Variants in IL12RB2 observed in about 807,000 individuals in gnomAD.
IL12RB2 encodes interleukin-12 receptor subunit beta-2.
In IL12RB2, 82 loss-of-function variants were observed where a neutral mutation model predicts 89.4. That is an observed-to-expected ratio of 0.92 (90% CI 0.77 to 1.10). The LOEUF (loss-of-function observed/expected upper bound fraction) is 1.10, where lower values mean the gene tolerates loss of function less well. IL12RB2 is among the 50% of genes least tolerant of loss of function. The pLI is 0.00. For synonymous variants in IL12RB2, 368 were observed against 370.1 expected (o/e 0.99, Z 0.07); for missense variants, 963 against 1,031.9 (o/e 0.93, Z 0.92).
At chr1:67,362,572 C>CAAAAAAAAA (rs956277979) in intron 10 of IL12RB2, among the ~76,000 whole-genome samples, 2 of 43,328 alleles carry the variant, frequency 4.6e-5, no homozygotes, top group Non-Finnish European at 8.6e-5. Flanking sequence ...GACTCCGTCT[C>CAAAAAAAAA]AAAAAAAAAA....
rs533030866 is a variant in IL12RB2, at chr1:67,335,485, C to T, written c.959-3139C>T. On this transcript the variant is annotated intron_variant, in intron 8 of 16. Coordinates refer to ENST00000674203, the MANE Select transcript of IL12RB2 (RefSeq NM_001374259.2). ...GGTGAAGTCTGAGGCAAGGTCATCT[C>T]TTTTTCATATTGGTGGCTTCTTCCA... Among the ~76,000 whole-genome samples, 3 of 152,308 alleles carry T rather than the reference C, an allele frequency of 2.0e-5. No individual in the cohort carries two copies. The South Asian group carries it at 6.2e-4, about 32-fold the overall frequency.
chr1:67,333,451 C>T (rs1658361054), intron 8 of IL12RB2, among the ~76,000 whole-genome samples: 1 of 149,154 alleles, frequency 6.7e-6, no homozygotes, highest in South Asian at 2.1e-4. Flanking sequence ...CAGAGTCAGC[C>T]TTTTTGCAGC....
chr1:67,307,919 A>C lies in IL12RB2; in HGVS notation c.-173A>C, dbSNP rs1400774478. 6.6e-6 allele frequency: 1 copy of C among 151,848 alleles called. No individual in the cohort carries two copies. The highest frequency in any genetic ancestry group is 1.5e-5 in the Non-Finnish European group (1 of 67,956). The allele number at this position is 151,848 out of a possible 1,614,324, so 9.4% of individuals were successfully genotyped here. A position where few individuals can be genotyped will look rare whatever the true frequency, so the allele number is the denominator to read the frequency against. Reference sequence around the variant, plus strand: ...ACGTGCGGCCCAGAGCACCGGGGCCACCCGGTCCCCGCAGGCCCGGGACCG... The same window carrying C: ...ACGTGCGGCCCAGAGCACCGGGGCCCCCCGGTCCCCGCAGGCCCGGGACCG... On this transcript the variant is annotated 5_prime_UTR_variant, in exon 1 of 17. Coordinates refer to ENST00000674203, the MANE Select transcript of IL12RB2 (RefSeq NM_001374259.2).
chr1:67,341,083 T>C (rs938036746), intron 9 of IL12RB2, among the ~76,000 whole-genome samples: 3 of 152,202 alleles, frequency 2.0e-5, no homozygotes, highest in African/African-American at 4.8e-5. Flanking sequence ...AGAAGGATGC[T>C]TGGGGTTGGA....
At position 67,379,708 on chromosome 1, in the gene IL12RB2, C is replaced by T. The variant is rs576668832; in HGVS notation, c.1718-278C>T. On this transcript the variant is annotated intron_variant, in intron 13 of 16. Transcript: ENST00000674203. ...ATTCAAAAGATTTTACCACAAAACA[C>T]AAAAAAGAGAAAAGAAAATTAGAAA... Among the ~76,000 whole-genome samples the T allele has an allele frequency of 2.1e-4, 32 of 151,144 alleles. No individual in the cohort carries two copies. The South Asian group carries it at 3.6e-3, about 17-fold the overall frequency.
intron 11 of IL12RB2, 61 bp from the exon 12 acceptor site, chr1:67,372,375 C>A: frequency 2.3e-6 from 2 of 880,318 alleles, no homozygotes; most frequent in Non-Finnish European, 3.9e-6. Flanking sequence ...AATAAAATGG[C>A]TCCCTTTAGT....
chr1:67,337,912 AAAAAAG>A (rs1299660722), intron 8 of IL12RB2, among the ~76,000 whole-genome samples: 23 of 128,778 alleles, frequency 1.8e-4, no homozygotes, highest in African/African-American at 3.8e-4. Flanking sequence ...AAAAAAAAAA[AAAAAAG>A]AAAAGAAAAG....
At chr1:67,390,489 T>TACTAGCC (rs1665696604) in intron 16 of IL12RB2, among the ~76,000 whole-genome samples, 1 of 141,164 alleles carries the variant, frequency 7.1e-6, no homozygotes, top group South Asian at 2.2e-4. Context: ...ATTTGTTGAG[T>TACTAGCC]ACTAGCCTGA....
At chr1:67,361,670 C>T (rs1228090080) in intron 10 of IL12RB2, among the ~76,000 whole-genome samples, 1 of 151,648 alleles carries the variant, frequency 6.6e-6, no homozygotes, top group Admixed American at 6.6e-5. Context: ...GGAACAACTA[C>T]AAAAGATGTA....
chr1:67,328,801 A>T (rs1657671755), intron 6 of IL12RB2, among the ~76,000 whole-genome samples: 1 of 152,214 alleles, frequency 6.6e-6, no homozygotes, highest in Admixed American at 6.5e-5. Context: ...AGGCTAGAGC[A>T]GCGAGGTACA....
chr1:67,350,179 TTC>T (rs1660677418), intron 9 of IL12RB2, among the ~76,000 whole-genome samples: 1 of 152,266 alleles, frequency 6.6e-6, no homozygotes, highest in South Asian at 2.1e-4. Flanking sequence ...TATTCTATGC[TTC>T]TGTTTCCCAT....
chr1:67,390,300 G>A (rs1031989851), intron 16 of IL12RB2, among the ~76,000 whole-genome samples, 172 bp downstream of exon 16: 1 of 152,050 alleles, frequency 6.6e-6, no homozygotes, highest in African/African-American at 2.4e-5. Flanking sequence ...CTGAACTTAA[G>A]AGAAACCAGG....
Position 67,358,367 on chromosome 1 carries a change from G to A in IL12RB2, c.1258+7278G>A, listed in dbSNP as rs1442338125. Among the ~76,000 whole-genome samples the A allele has an allele frequency of 2.0e-5, 3 of 152,244 alleles. No individual in the cohort carries two copies. The East Asian group carries it at 5.8e-4, about 29-fold the overall frequency. On this transcript the variant is annotated intron_variant, in intron 10 of 16. Coordinates refer to ENST00000674203, the MANE Select transcript of IL12RB2 (RefSeq NM_001374259.2). ...AAGGCAGGCAGATCACCTGAGGTCA[G>A]GAGTTTGAGACCAGCTTGGCCAACC...
intron 8 of IL12RB2, among the ~76,000 whole-genome samples, chr1:67,334,638 C>T (rs934138605): frequency 2.6e-5 from 4 of 152,096 alleles, no homozygotes; most frequent in African/African-American, 4.8e-5. Context: ...CGCCACCACG[C>T]CCGGCTAATT....
At chr1:67,385,381 G>GGGTA (rs1164650421) in intron 14 of IL12RB2, among the ~76,000 whole-genome samples, 2 of 152,254 alleles carry the variant, frequency 1.3e-5, no homozygotes, top group African/African-American at 4.8e-5. Flanking sequence ...GAGTAGCATG[G>GGGTA]GGTAACTGCC....
rs1291152225 is a variant in IL12RB2 at position 67,372,636 on chromosome 1, G to A, written c.1570G>A (p.Gly524Ser). Residue 524 changes from glycine (G) to serine (S), a missense_variant, in exon 13 of 17, where the codon GGC (glycine) becomes AGC (serine). Gly to Ser is a moderately conservative substitution (Grantham distance 56, BLOSUM62 0). Coordinates refer to ENST00000674203, the MANE Select transcript of IL12RB2 (RefSeq NM_001374259.2). ...GCCCTACTTTACAGCACCACTGAGT[G>A]GCCCCCACATTAATGCCATCACAGA... Reference protein sequence around the residue: ...GNSKHKAPLSGPHINAITEEK... With the variant: ...GNSKHKAPLSSPHINAITEEK... 6.2e-7 allele frequency: 1 copy of A among 1,613,682 alleles called. No homozygotes were observed. Among genetic ancestry groups the A allele is most frequent in the Non-Finnish European group, 8.5e-7 (1 of 1,179,592 alleles).
intron 2 of IL12RB2, among the ~76,000 whole-genome samples, chr1:67,316,453 T>TG (rs397980413): frequency 1.3e-5 from 2 of 150,942 alleles, no homozygotes; most frequent in African/African-American, 2.4e-5. Context: ...TGTGTGTGTG[T>TG]TAATGTCACT....
At chr1:67,343,441 T>C (rs1283250019) in intron 9 of IL12RB2, among the ~76,000 whole-genome samples, 1 of 152,114 alleles carries the variant, frequency 6.6e-6, no homozygotes, top group African/African-American at 2.4e-5. Flanking sequence ...TACAGCCTAA[T>C]CTATGAAATG....
At chr1:67,326,333 G>C (rs1657281033) in intron 4 of IL12RB2, among the ~76,000 whole-genome samples, 1 of 152,166 alleles carries the variant, frequency 6.6e-6, no homozygotes, top group South Asian at 2.1e-4. Flanking sequence ...GGAGTAAAAG[G>C]CTTGGACTTG....
Sources: allele counts gnomAD v4.1 joint callset (sites outside exome capture counted in the v4.1 genomes callset), GRCh38; gene constraint gnomAD v4.1.1; transcripts MANE v1.5; gene names NCBI Gene and HGNC (gene_info 2026-07-23, HGNC 2026-07-21).